ALOX5: variants seen among roughly 807,000 people sequenced by gnomAD.
The protein encoded by ALOX5 is arachidonate 5-lipoxygenase.
Under a neutral mutation model 87.9 loss-of-function variants are expected in ALOX5, and 64 were observed. The observed-to-expected ratio is 0.73, with a 90% confidence interval of 0.60 to 0.90. The LOEUF (loss-of-function observed/expected upper bound fraction) is 0.90, where lower values mean the gene tolerates loss of function less well. ALOX5 is among the 40% of genes least tolerant of loss of function. The probability of loss-of-function intolerance (pLI) is 0.00; values close to 1 mark genes in which losing one functional copy is unlikely to be tolerated. For synonymous variants in ALOX5, 388 were observed against 355.1 expected (o/e 1.09, Z -1.04); for missense variants, 822 against 907.5 (o/e 0.91, Z 1.21).
chr10:45,442,145 G>C (rs1842256403), intron 9 of ALOX5, among the ~76,000 whole-genome samples: 1 of 152,226 alleles, frequency 6.6e-6, no homozygotes, highest in South Asian at 2.1e-4. Flanking sequence ...GCCTCAGCCA[G>C]AAATGGATCC....
intron 3 of ALOX5, among the ~76,000 whole-genome samples, chr10:45,406,817 C>T (rs112586577): frequency 6.6e-6 from 1 of 151,952 alleles, no homozygotes; most frequent in African/African-American, 2.4e-5. Flanking sequence ...ATAATTTTGT[C>T]TCTTACTTTC....
At chr10:45,387,910 T>G (rs774529434) in intron 2 of ALOX5, among the ~76,000 whole-genome samples, 12 of 152,210 alleles carry the variant, frequency 7.9e-5, no homozygotes, top group Non-Finnish European at 2.9e-5. Context: ...CATTTCCAAC[T>G]GAGGCACTGG....
At chr10:45,442,303 C>T (rs1278234242) in intron 9 of ALOX5, among the ~76,000 whole-genome samples, 1 of 152,214 alleles carries the variant, frequency 6.6e-6, no homozygotes, top group Non-Finnish European at 1.5e-5. Context: ...ACCTCAGGTT[C>T]TCATGTGGCC....
At chr10:45,432,793 A>C (rs956933811) in intron 7 of ALOX5, among the ~76,000 whole-genome samples, 2 of 152,266 alleles carry the variant, frequency 1.3e-5, no homozygotes, top group Non-Finnish European at 2.9e-5. Flanking sequence ...AAGAAGTTAT[A>C]AGGGGAAAGC....
intron 4 of ALOX5, among the ~76,000 whole-genome samples, chr10:45,419,821 C>A (rs1268521269): frequency 1.3e-5 from 2 of 152,078 alleles, no homozygotes; most frequent in Non-Finnish European, 2.9e-5. Flanking sequence ...AGAGAAGGGC[C>A]CTGAGCTCAG....
Position 45,428,971 on chromosome 10 carries a change from A to G in ALOX5, c.981+207A>G, listed in dbSNP as rs3780907. Among the ~76,000 whole-genome samples, 3 of 152,104 alleles carry G rather than the reference A, an allele frequency of 2.0e-5. No homozygotes were observed. The East Asian group carries it at 5.8e-4, about 30-fold the overall frequency. ...TGAGAAGCCCCTGGCCAGTCGAGGC[A>G]CACTGTGGAGGACCTGCCCTGGGAT... On this transcript the variant is annotated intron_variant, in intron 7 of 13. Transcript: ENST00000374391.
chr10:45,396,003 G>A (rs1840488448), intron 3 of ALOX5, 67 bp downstream of exon 3: 3 of 1,515,174 alleles, frequency 2.0e-6, no homozygotes, highest in South Asian at 2.3e-5. Context: ...AGCATGGTAT[G>A]AAATAAACCC....
intron 7 of ALOX5, 138 bp from the exon 8 acceptor site, chr10:45,440,292 C>A: frequency 1.1e-6 from 1 of 887,720 alleles, no homozygotes; most frequent in Non-Finnish European, 1.7e-6. Context: ...CCCTTTACCC[C>A]CTCCAGGCTC....
intron 7 of ALOX5, among the ~76,000 whole-genome samples, chr10:45,439,204 A>G (rs989990051): frequency 6.6e-6 from 1 of 152,214 alleles, no homozygotes; most frequent in Non-Finnish European, 1.5e-5. Flanking sequence ...CTTCCTGAAT[A>G]TATACAATTC....
At chr10:45,400,004 G>A in intron 3 of ALOX5, among the ~76,000 whole-genome samples, 1 of 152,186 alleles carries the variant, frequency 6.6e-6, no homozygotes, top group Non-Finnish European at 1.5e-5. Context: ...GTGCTGCCAA[G>A]GATGTGGAGA....
chr10:45,374,355 C>T lies in ALOX5; in HGVS notation c.76C>T (p.Leu26Phe), dbSNP rs759982313. ...AGTDDYIYLS[L>F]VGSAGCSEKH... Reference sequence around the variant, plus strand: ...CACTGACGACTACATCTACCTCAGCCTCGTGGGCTCGGCGGGCTGCAGCGA... The same window carrying T: ...CACTGACGACTACATCTACCTCAGCTTCGTGGGCTCGGCGGGCTGCAGCGA... The change falls in exon 1 of 14, where the codon CTC becomes TTC. Residue 26 changes from leucine (L) to phenylalanine (F), a missense_variant. By Grantham distance (22) the Leu-to-Phe change is conservative (BLOSUM62 0). Coordinates refer to ENST00000374391, the MANE Select transcript of ALOX5 (RefSeq NM_000698.5). 1 of 1,546,200 alleles carries T rather than the reference C, an allele frequency of 6.5e-7. No individual in the cohort carries two copies. The highest frequency in any genetic ancestry group is 2.6e-5 in the East Asian group (1 of 39,048).
intron 6 of ALOX5, chr10:45,428,362 C>A: frequency 1.9e-6 from 1 of 526,216 alleles, no homozygotes; most frequent in South Asian, 3.1e-5. Context: ...TCGTGCCAGT[C>A]AAGCAGGTTT....
At chr10:45,379,951 A>G (rs573844058) in intron 1 of ALOX5, among the ~76,000 whole-genome samples, 4 of 151,806 alleles carry the variant, frequency 2.6e-5, no homozygotes, top group Admixed American at 6.6e-5. Context: ...TTGGCTCACA[A>G]CCTGCAGCTA....
rs1283189360 is a variant in ALOX5 at position 45,426,904 on chromosome 10, A to G, written c.835-1714A>G. On this transcript the variant is annotated intron_variant, in intron 6 of 13. Transcript: ENST00000374391. ...AGCTTAGCAAACACCACCCACTCCC[A>G]GCAAGAAAGACCCTGTTTCCCAATG... 2.6e-5 allele frequency among the ~76,000 whole-genome samples: 4 copies of G among 152,252 alleles called. No homozygotes were observed. In the East Asian group the frequency reaches 7.7e-4, roughly 29 times the overall value.
chr10:45,375,437 C>T (rs1839568920), intron 1 of ALOX5, among the ~76,000 whole-genome samples: 1 of 152,198 alleles, frequency 6.6e-6, no homozygotes, highest in African/African-American at 2.4e-5. Context: ...TGCAGGTGCG[C>T]AGGGAATATC....
chr10:45,435,521 C>T (rs1295834296), intron 7 of ALOX5, among the ~76,000 whole-genome samples: 2 of 152,074 alleles, frequency 1.3e-5, no homozygotes, highest in East Asian at 1.9e-4. Flanking sequence ...ATGCAGTATT[C>T]GATTTTCTGT....
chr10:45,389,585 GC>G (rs1840133640), intron 2 of ALOX5, among the ~76,000 whole-genome samples: 3 of 152,290 alleles, frequency 2.0e-5, no homozygotes, highest in Admixed American at 2.0e-4. Flanking sequence ...TTCATATCCA[GC>G]CAAACTAAGC....
Position 45,428,258 on chromosome 10 carries a change from G to A in ALOX5, c.835-360G>A, listed in dbSNP as rs371803937. On this transcript the variant is annotated intron_variant, in intron 6 of 13. Coordinates refer to ENST00000374391, the MANE Select transcript of ALOX5 (RefSeq NM_000698.5). ...CAGTTTTGACTTATGTGTAGAGTCC[G>A]GCAGCATCATTTTTTGGCATTTAAC... The A allele has an allele frequency of 2.2e-5, 6 of 273,420 alleles. No homozygotes were observed. In the South Asian group the frequency reaches 2.6e-4, roughly 12 times the overall value. 16.9% of individuals were successfully genotyped at this position (273,420 alleles called of 1,614,324 possible).
At chr10:45,401,897 T>C (rs1840710525) in intron 3 of ALOX5, among the ~76,000 whole-genome samples, 2 of 152,052 alleles carry the variant, frequency 1.3e-5, no homozygotes, top group Non-Finnish European at 2.9e-5. Flanking sequence ...CCATCCTGGC[T>C]AACACGGTGA....
Sources: allele counts gnomAD v4.1 joint callset (sites outside exome capture counted in the v4.1 genomes callset), GRCh38; gene constraint gnomAD v4.1.1; transcripts MANE v1.5; gene names NCBI Gene and HGNC (gene_info 2026-07-23, HGNC 2026-07-21).